ANGPT1: variants seen among roughly 807,000 people sequenced by gnomAD.
The protein encoded by ANGPT1 is angiopoietin 1.
ANGPT1 carries 17 observed loss-of-function variants against 62.2 expected under a neutral mutation model. The ratio of observed to expected loss-of-function variants is 0.27; its 90% CI spans 0.19 to 0.41. ANGPT1 has a LOEUF of 0.41. ANGPT1 is among the 10% of genes least tolerant of loss of function. The probability of loss-of-function intolerance (pLI) is 1.00; values close to 1 mark genes in which losing one functional copy is unlikely to be tolerated. For synonymous variants in ANGPT1, 199 were observed against 198.9 expected, an observed-to-expected ratio of 1.00 and a Z score of 0.00; for missense variants, 478 against 594.9, an observed-to-expected ratio of 0.80 and a Z score of 2.04.
At chr8:107,487,823 A>T (rs1283832573) in intron 1 of ANGPT1, among the ~76,000 whole-genome samples, 4 of 152,166 alleles carry the variant, frequency 2.6e-5, no homozygotes, top group Non-Finnish European at 4.4e-5. Context: ...TATTAGAAGT[A>T]AAAAAACAAG....
intron 2 of ANGPT1, among the ~76,000 whole-genome samples, chr8:107,346,019 A>G (rs1298394763): frequency 6.6e-6 from 1 of 152,184 alleles, no homozygotes; most frequent in Non-Finnish European, 1.5e-5. Flanking sequence ...TAGCTAAAAG[A>G]TCTATCTATC....
At chr8:107,321,751 A>T (rs912970093) in intron 4 of ANGPT1, 145 bp downstream of exon 4, 1 of 631,244 alleles carries the variant, frequency 1.6e-6, no homozygotes, top group Admixed American at 3.4e-5. Context: ...AATTATCAAC[A>T]TAACTTCATA....
At chr8:107,287,767 C>A (rs1814177213) in intron 6 of ANGPT1, among the ~76,000 whole-genome samples, 1 of 152,164 alleles carries the variant, frequency 6.6e-6, no homozygotes, top group African/African-American at 2.4e-5. Flanking sequence ...TGAACTGCCA[C>A]ATATTTGCTG....
chr8:107,260,066 T>C (rs1259514615), intron 8 of ANGPT1, among the ~76,000 whole-genome samples: 1 of 152,150 alleles, frequency 6.6e-6, no homozygotes, highest in East Asian at 1.9e-4. Context: ...TGTTTAATAG[T>C]AATTAACCCC....
intron 1 of ANGPT1, among the ~76,000 whole-genome samples, chr8:107,350,054 C>T (rs1195308691): frequency 6.6e-6 from 1 of 152,068 alleles, no homozygotes; most frequent in Non-Finnish European, 1.5e-5. Context: ...TTATCTAGGT[C>T]ACTAAGCACA....
intron 5 of ANGPT1, among the ~76,000 whole-genome samples, chr8:107,302,271 A>G (rs1388363327): frequency 2.0e-5 from 3 of 152,030 alleles, no homozygotes; most frequent in Non-Finnish European, 2.9e-5. Context: ...ATAAGAGACA[A>G]GTAATTTAGG....
intron 4 of ANGPT1, among the ~76,000 whole-genome samples, chr8:107,305,906 T>A (rs1392735059): frequency 6.6e-6 from 1 of 152,040 alleles, no homozygotes; most frequent in African/African-American, 2.4e-5. Context: ...AAAAGTTTCA[T>A]CCACAGCTTA....
chr8:107,283,162 GT>G (rs2130129165), intron 7 of ANGPT1, among the ~76,000 whole-genome samples: 1 of 152,278 alleles, frequency 6.6e-6, no homozygotes, highest in African/African-American at 2.4e-5. Context: ...GTTTCATATA[GT>G]TTCAAGTTTC....
chr8:107,350,828 G>T (rs1002193024), intron 1 of ANGPT1, among the ~76,000 whole-genome samples: 4 of 152,120 alleles, frequency 2.6e-5, no homozygotes, highest in African/African-American at 9.7e-5. Context: ...GGAGGCAGAA[G>T]TCAAATATAC....
intron 2 of ANGPT1, among the ~76,000 whole-genome samples, chr8:107,342,486 T>G (rs1368049989): frequency 6.6e-5 from 10 of 152,126 alleles, no homozygotes; most frequent in African/African-American, 2.4e-4. Flanking sequence ...TGGTCTCTTG[T>G]GTAACAATTT....
intron 1 of ANGPT1, among the ~76,000 whole-genome samples, chr8:107,438,636 T>C (rs1334795877): frequency 6.6e-6 from 1 of 152,184 alleles, no homozygotes; most frequent in Non-Finnish European, 1.5e-5. Flanking sequence ...CTTTACTATT[T>C]ATATAAATGT....
intron 1 of ANGPT1, among the ~76,000 whole-genome samples, chr8:107,358,808 A>T (rs1816103266): frequency 6.6e-6 from 1 of 152,194 alleles, no homozygotes; most frequent in South Asian, 2.1e-4. Context: ...TCTTATGATC[A>T]TGAAATGTGG....
At chr8:107,456,768 A>C (rs1230322035) in intron 1 of ANGPT1, among the ~76,000 whole-genome samples, 2 of 152,064 alleles carry the variant, frequency 1.3e-5, no homozygotes, top group East Asian at 1.9e-4. Flanking sequence ...GAAATATAAA[A>C]CCTAGAGAAC....
At chr8:107,271,205 A>T (rs1326844230) in intron 7 of ANGPT1, among the ~76,000 whole-genome samples, 4 of 152,186 alleles carry the variant, frequency 2.6e-5, no homozygotes, top group Non-Finnish European at 5.9e-5. Flanking sequence ...TGGGTTTGCA[A>T]TCTAGCTCTT....
At chr8:107,285,417 T>C (rs1814115863) in intron 6 of ANGPT1, among the ~76,000 whole-genome samples, 1 of 152,102 alleles carries the variant, frequency 6.6e-6, no homozygotes, top group Non-Finnish European at 1.5e-5. Flanking sequence ...ACTAGAACCA[T>C]GACTTTTGGA....
chr8:107,344,054 C>G (rs941758667), intron 2 of ANGPT1, among the ~76,000 whole-genome samples: 2 of 152,078 alleles, frequency 1.3e-5, no homozygotes, highest in South Asian at 4.2e-4. Flanking sequence ...GAGTGAGACC[C>G]TATCTCAAAA....
intron 3 of ANGPT1, among the ~76,000 whole-genome samples, chr8:107,335,309 C>G (rs1815533732): frequency 6.6e-6 from 1 of 152,156 alleles, no homozygotes; most frequent in Non-Finnish European, 1.5e-5. Context: ...TGGCATTTAA[C>G]CAGTTTCTAT....
intron 7 of ANGPT1, chr8:107,284,135 T>G (rs1255723381): frequency 6.6e-6 from 1 of 152,224 alleles, no homozygotes; most frequent in Non-Finnish European, 1.5e-5. Context: ...ATTATGTATA[T>G]TGATGCCATT....
intron 5 of ANGPT1, among the ~76,000 whole-genome samples, chr8:107,301,532 C>G (rs1287673902): frequency 6.6e-6 from 1 of 151,852 alleles, no homozygotes; most frequent in African/African-American, 2.4e-5. Flanking sequence ...TCTTCATCTC[C>G]TCATTCCCAG....
Sources: gnomAD v4.1 joint callset for allele counts (sites outside exome capture counted in the v4.1 genomes callset) on GRCh38, gnomAD v4.1.1 for gene constraint, MANE v1.5 for transcripts, NCBI Gene and HGNC (gene_info 2026-07-23, HGNC 2026-07-21) for gene names.